Variants in TAF1L observed in about 807,000 individuals in gnomAD.
The protein encoded by TAF1L is transcription initiation factor TFIID subunit 1-like.
A neutral mutation model predicts 128.8 loss-of-function variants in TAF1L; 30 were observed. The observed-to-expected ratio is 0.23, with a 90% confidence interval of 0.17 to 0.32. The LOEUF (loss-of-function observed/expected upper bound fraction) is 0.32. TAF1L is among the 10% of genes least tolerant of loss of function. The pLI is 1.00. For synonymous variants in TAF1L, 764 were observed against 790.7 expected (o/e 0.97, Z 0.57); for missense variants, 2,099 against 2,253.7 (o/e 0.93, Z 1.39).
chr9:32,630,241 T>G lies in TAF1L; in HGVS notation c.5339A>C (p.Glu1780Ala). The stretch of plus-strand genomic sequence containing the variant: ...AGCAGAGAAAGGATTGTCTCCTTCT[T>G]CGTCACTCCCAGCATCTTCCTCATC... ...EDDEEDAGSD[E>A]EGDNPFSAIQ... is the part of the protein sequence containing the mutation. The change falls in exon 1 of 1, where the codon GAA (glutamate) becomes GCA (alanine). Residue 1780 changes from glutamate to alanine, a missense_variant. This residue lies in a region of TAF1L where 404 missense variants were observed against 406.5 expected (regional missense o/e 0.99). Coordinates refer to ENST00000242310, the MANE Select transcript of TAF1L (RefSeq NM_153809.2). The G allele has an allele frequency of 6.2e-7, 1 of 1,614,198 alleles. No homozygotes were observed. Among genetic ancestry groups the G allele is most frequent in the Non-Finnish European group, 8.5e-7 (1 of 1,180,046 alleles).
rs1411695389 is a variant in TAF1L, at chr9:32,633,698, G to A, written c.1882C>T (p.Pro628Ser). ...WQPFFPTHMG[P>S]IKIRQFHRPP... The stretch of plus-strand genomic sequence containing the variant: ...CGATGGAACTGCCGGATTTTGATGG[G>A]CCCCATGTGGGTGGGAAAGAAGGGC... Residue 628 changes from proline to serine, a missense_variant, in exon 1 of 1, where the codon CCC becomes TCC. Around this residue, in one of 4 missense-constraint regions of TAF1L, gnomAD observed 1,213 missense variants for 1,391.4 expected, o/e 0.87. Coordinates refer to ENST00000242310, the MANE Select transcript of TAF1L (RefSeq NM_153809.2). 6.2e-7 allele frequency: 1 copy of A among 1,614,196 alleles called. No individual in the cohort carries two copies.
Position 32,629,720 on chromosome 9 carries a change from T to C in TAF1L, c.*379A>G, listed in dbSNP as rs937973514. 1.2e-5 allele frequency: 4 copies of C among 329,412 alleles called. No homozygotes were observed. The highest frequency in any genetic ancestry group is 1.7e-5 in the Non-Finnish European group (3 of 179,322). The allele number at this position is 329,412 out of a possible 1,614,324, so 20.4% of individuals were successfully genotyped here. A position where few individuals can be genotyped will look rare whatever the true frequency, so the allele number is the denominator to read the frequency against. The stretch of plus-strand genomic sequence containing the variant: ...TCGCCCAGGCTGGAGCGCAGTGGCG[T>C]GATCTCCACTCACTGCAACCTCTGC... On this transcript the variant is annotated 3_prime_UTR_variant, in exon 1 of 1. Coordinates refer to ENST00000242310, the MANE Select transcript of TAF1L (RefSeq NM_153809.2).
rs1587670371 is a variant in TAF1L at position 32,630,934 on chromosome 9, T to C, written c.4646A>G (p.His1549Arg). ...MAVPDSWPFH[H>R]PVNKKFVPDY... ...TGGAACAAACTTCTTATTAACTGGG[T>C]GATGAAATGGCCAAGAATCTGGAAC... is the stretch of plus-strand genomic sequence containing the variant. The change falls in exon 1 of 1, where the codon CAC (histidine) becomes CGC (arginine). Residue 1549 changes from histidine (H) to arginine (R), a missense_variant. Physicochemically the swap from His to Arg is conservative, Grantham distance 29. Transcript: ENST00000242310. The C allele has an allele frequency of 6.2e-7, 1 of 1,614,202 alleles. No homozygotes were observed. The highest frequency in any genetic ancestry group is 2.2e-5 in the East Asian group (1 of 44,876).
In TAF1L at chr9:32,630,112, C is replaced by T. The variant is rs568675126; in HGVS notation, c.5468G>A (p.Gly1823Glu). 1.2e-6 allele frequency: 2 copies of T among 1,614,124 alleles called. No homozygotes were observed. Among genetic ancestry groups the T allele is most frequent in the East Asian group, 4.5e-5 (2 of 44,880 alleles). Residue 1823 changes from glycine (G) to glutamate (E), a missense_variant, in exon 1 of 1, where the codon GGG (glycine) becomes GAG (glutamate). Gly to Glu is a moderately conservative substitution (Grantham distance 98, BLOSUM62 -2). This residue lies in a region of TAF1L where 404 missense variants were observed against 406.5 expected (regional missense o/e 0.99). Transcript: ENST00000242310. ...LQHASGEHKD[G>E]HGK The stretch of plus-strand genomic sequence containing the variant: ...ATCATGCTTTCTTCATTTTCCGTGC[C>T]CATCCTTGTGTTCTCCTGAAGCATG...
chr9:32,635,088 T>G lies in TAF1L; in HGVS notation c.492A>C (p.Pro164=). 3 of 1,614,056 alleles carry G rather than the reference T, an allele frequency of 1.9e-6. No homozygotes were observed. The highest frequency in any genetic ancestry group is 2.5e-6 in the Non-Finnish European group (3 of 1,179,998). Reference sequence around the variant, plus strand: ...CATCTTGGTCCTTATCCTTCTTCATTGGTCCCGGGGGTGGAGGTGGAGGAG... The same window carrying G: ...CATCTTGGTCCTTATCCTTCTTCATGGGTCCCGGGGGTGGAGGTGGAGGAG... ...LMPPPPPPPG[P]MKKDKDQDAI... is the part of the protein sequence containing the mutation. The change falls in exon 1 of 1, where the codon CCA becomes CCC. Residue 164 remains proline, a synonymous_variant. Coordinates refer to ENST00000242310, the MANE Select transcript of TAF1L (RefSeq NM_153809.2).
In TAF1L at chr9:32,630,108, G is replaced by A. The variant is rs202147126; in HGVS notation, c.5472C>T (p.His1824=). Residue 1824 remains histidine (H), a synonymous_variant, in exon 1 of 1, where the codon CAC becomes CAT. Coordinates refer to ENST00000242310, the MANE Select transcript of TAF1L (RefSeq NM_153809.2). ...QHASGEHKDG[H]GK is the part of the protein sequence containing the mutation. ...GGACATCATGCTTTCTTCATTTTCC[G>A]TGCCCATCCTTGTGTTCTCCTGAAG... 30 of 1,613,932 alleles carry A rather than the reference G, an allele frequency of 1.9e-5. No individual in the cohort carries two copies. Among genetic ancestry groups the A allele is most frequent in the Middle Eastern group, 1.6e-4 (1 of 6,082 alleles).
rs1315052396 is a variant in TAF1L at position 32,634,403 on chromosome 9, C to T, written c.1177G>A (p.Glu393Lys). The change falls in exon 1 of 1, where the codon GAA (glutamate) becomes AAA (lysine). Residue 393 changes from glutamate (E) to lysine (K), a missense_variant. Around this residue, in one of 4 missense-constraint regions of TAF1L, gnomAD observed 1,213 missense variants for 1,391.4 expected, o/e 0.87. Transcript: ENST00000242310. The stretch of plus-strand genomic sequence containing the variant: ...ATCATTCTAGATTTTATCACAGGTT[C>T]ATGTTGTGTCTTTCTCAGTTTGAAG... ...YGFKLRKTQH[E>K]PVIKSRMMEE... 1 of 1,614,102 alleles carries T rather than the reference C, an allele frequency of 6.2e-7. No individual in the cohort carries two copies. Among genetic ancestry groups the T allele is most frequent in the East Asian group, 2.2e-5 (1 of 44,896 alleles).
Position 32,635,628 on chromosome 9 carries a change from C to T in TAF1L, c.-49G>A, listed in dbSNP as rs1822575741. ...GCCCGGAAGTGATCTACTTAGCTCC[C>T]TTACCCTACCAGCGTCTACCGGAAG... On this transcript the variant is annotated 5_prime_UTR_variant, in exon 1 of 1. Transcript: ENST00000242310. 1 of 1,534,878 alleles carries T rather than the reference C, an allele frequency of 6.5e-7. No individual in the cohort carries two copies. The highest frequency in any genetic ancestry group is 1.4e-5 in the African/African-American group (1 of 71,826).
In TAF1L at chr9:32,634,586, T is replaced by A. The variant is rs989997879; in HGVS notation, c.994A>T (p.Met332Leu). 6 of 1,614,076 alleles carry A rather than the reference T, an allele frequency of 3.7e-6. No homozygotes were observed. The highest frequency in any genetic ancestry group is 5.1e-6 in the Non-Finnish European group (6 of 1,180,028). Reference protein sequence around the residue: ...EQCLADDEITMMVPVESKFSQ... With the variant: ...EQCLADDEITLMVPVESKFSQ... ...AATTTGGACTCCACAGGAACCATCATCGTGATTTCATCATCAGCGAGACAC... is the reference window on the plus strand; with the variant it reads ...AATTTGGACTCCACAGGAACCATCAACGTGATTTCATCATCAGCGAGACAC... The change falls in exon 1 of 1, where the codon ATG (methionine) becomes TTG (leucine). Residue 332 changes from methionine (M) to leucine (L), a missense_variant. Coordinates refer to ENST00000242310, the MANE Select transcript of TAF1L (RefSeq NM_153809.2).
rs1013751473 is a variant in TAF1L, at chr9:32,630,961, G to T, written c.4619C>A (p.Ala1540Glu). The T allele has an allele frequency of 6.2e-7, 1 of 1,614,216 alleles. No homozygotes were observed. Among genetic ancestry groups the T allele is most frequent in the Admixed American group, 1.7e-5 (1 of 60,028 alleles). Residue 1540 changes from alanine (A) to glutamate (E), a missense_variant, in exon 1 of 1, where the codon GCA (alanine) becomes GAA (glutamate). By Grantham distance (107) the Ala-to-Glu change is moderately radical. Transcript: ENST00000242310. ...LDNIVTQKMM[A>E]VPDSWPFHHP... is the part of the protein sequence containing the mutation. ...ATGAAATGGCCAAGAATCTGGAACT[G>T]CCATCATTTTCTGGGTGACAATGTT...
rs779608043 is a variant in TAF1L at position 32,632,474 on chromosome 9, T to C, written c.3106A>G (p.Ile1036Val). ...ACTTCCCAGCGGGACAACTTTTTAA[T>C]CTCTTCCTCAGGCACACCAAATTTA... Reference protein sequence around the residue: ...LRKFGVPEEEIKKLSRWEVID... With the variant: ...LRKFGVPEEEVKKLSRWEVID... Residue 1036 changes from isoleucine (I) to valine (V), a missense_variant, in exon 1 of 1, where the codon ATT becomes GTT. Coordinates refer to ENST00000242310, the MANE Select transcript of TAF1L (RefSeq NM_153809.2). This position sits in a 1 kb window ranked among gnomAD's most constrained non-coding sequence, Gnocchi z 4.4. 1 of 1,614,236 alleles carries C rather than the reference T, an allele frequency of 6.2e-7. No homozygotes were observed. Among genetic ancestry groups the C allele is most frequent in the Non-Finnish European group, 8.5e-7 (1 of 1,180,052 alleles).
chr9:32,631,636 G>C lies in TAF1L; in HGVS notation c.3944C>G (p.Thr1315Arg). ...TTCCAACTCCTCCTCCTGCTCTTCT[G>C]TCATGGCAACAGGTTTCGAAGGTGG... Reference protein sequence around the residue: ...NVPPSKPVAMTEEQEEELEKT... With the variant: ...NVPPSKPVAMREEQEEELEKT... Residue 1315 changes from threonine to arginine, a missense_variant, in exon 1 of 1, where the codon ACA (threonine) becomes AGA (arginine). By Grantham distance (71) the Thr-to-Arg change is moderately conservative. Coordinates refer to ENST00000242310, the MANE Select transcript of TAF1L (RefSeq NM_153809.2). This position sits in a 1 kb window ranked among gnomAD's most constrained non-coding sequence, Gnocchi z 4.1. 1.2e-6 allele frequency: 2 copies of C among 1,614,128 alleles called. No individual in the cohort carries two copies. The highest frequency in any genetic ancestry group is 1.7e-6 in the Non-Finnish European group (2 of 1,180,014).
Position 32,633,839 on chromosome 9 carries a change from T to C in TAF1L, c.1741A>G (p.Lys581Glu). Residue 581 changes from lysine (K) to glutamate (E), a missense_variant, in exon 1 of 1, where the codon AAA becomes GAA. By Grantham distance (56) the Lys-to-Glu change is moderately conservative. Coordinates refer to ENST00000242310, the MANE Select transcript of TAF1L (RefSeq NM_153809.2). ...TCATTGGAGAGATTCCATGGATCTT[T>C]CACTTCTGGCTGAGACATGTTCTGC... is the stretch of plus-strand genomic sequence containing the variant. ...PQQNMSQPEV[K>E]DPWNLSNDEY... The C allele has an allele frequency of 6.2e-7, 1 of 1,614,202 alleles. No individual in the cohort carries two copies. The highest frequency in any genetic ancestry group is 8.5e-7 in the Non-Finnish European group (1 of 1,180,038).
rs148519227 is a variant in TAF1L, at chr9:32,633,669, T to G, written c.1911A>C (p.Pro637=). 15 of 1,613,926 alleles carry G rather than the reference T, an allele frequency of 9.3e-6. No individual in the cohort carries two copies. Among genetic ancestry groups the G allele is most frequent in the African/African-American group, 1.3e-5 (1 of 74,848 alleles). Residue 637 remains proline, a synonymous_variant, in exon 1 of 1, where the codon CCA becomes CCC. Transcript: ENST00000242310. ...GPIKIRQFHR[P]PLKKYSFGAL... is the part of the protein sequence containing the mutation. ...CACCAAATGAGTACTTTTTCAGAGG[T>G]GGGCGATGGAACTGCCGGATTTTGA... is the stretch of plus-strand genomic sequence containing the variant.
rs144678282 is a variant in TAF1L, at chr9:32,633,634, T to C, written c.1946A>G (p.Gln649Arg). The C allele has an allele frequency of 3.1e-4, 494 of 1,614,184 alleles. 1 individual carries two copies. The African/African-American group carries it at 6.0e-3, about 20-fold the overall frequency. The part of the protein sequence containing the change: ...LKKYSFGALS[Q>R]PGPHSVQPLL... ...AGGTTGGACTGAATGGGGACCTGGC[T>C]GAGAGAGTGCACCAAATGAGTACTT... Residue 649 changes from glutamine (Q) to arginine (R), a missense_variant, in exon 1 of 1, where the codon CAG becomes CGG. Gln to Arg is a conservative substitution (Grantham distance 43, BLOSUM62 1). This residue lies in a region of TAF1L where 1,213 missense variants were observed against 1,391.4 expected (regional missense o/e 0.87). Transcript: ENST00000242310.
rs553058897 is a variant in TAF1L, at chr9:32,629,696, C to T, written c.*403G>A. On this transcript the variant is annotated 3_prime_UTR_variant, in exon 1 of 1. Transcript: ENST00000242310. ...TTTTTGAGATGGAGTCTCACTCTTT[C>T]GCCCAGGCTGGAGCGCAGTGGCGTG... 1,047 of 258,204 alleles carry T rather than the reference C, an allele frequency of 4.1e-3. 13 individuals are homozygous for T. The highest frequency in any genetic ancestry group is 0.022 in the African/African-American group (985 of 44,482). 16.0% of individuals were successfully genotyped at this position (258,204 alleles called of 1,614,324 possible). A position where few individuals can be genotyped will look rare whatever the true frequency, so the allele number is the denominator to read the frequency against.
In TAF1L at chr9:32,633,536, A is replaced by G. The variant is rs888986223; in HGVS notation, c.2044T>C (p.Phe682Leu). 6.2e-7 allele frequency: 1 copy of G among 1,614,190 alleles called. No homozygotes were observed. The change falls in exon 1 of 1, where the codon TTT becomes CTT. Residue 682 changes from phenylalanine (F) to leucine (L), a missense_variant. Phe to Leu is a conservative substitution (Grantham distance 22, BLOSUM62 0). Around this residue, in one of 4 missense-constraint regions of TAF1L, gnomAD observed 1,213 missense variants for 1,391.4 expected, o/e 0.87. Transcript: ENST00000242310. ...ERQASGGGEL[F>L]FMRTPQDLTG... ...AGATCCTGAGGTGTGCGCATAAAAA[A>G]CAACTCTCCACCACCTGAGGCTTGC...
rs1158667360 is a variant in TAF1L at position 32,633,016 on chromosome 9, G to T, written c.2564C>A (p.Ser855Tyr). 1 of 1,614,138 alleles carries T rather than the reference G, an allele frequency of 6.2e-7. No homozygotes were observed. The highest frequency in any genetic ancestry group is 2.2e-5 in the East Asian group (1 of 44,874). ...RMEDIKKAFP[S>Y]HSESSIRKRL... ...CTTCCGGATGCTGCTTTCTGAATGG[G>T]AAGGAAAGGCTTTTTTTATATCTTC... Residue 855 changes from serine to tyrosine, a missense_variant, in exon 1 of 1, where the codon TCC becomes TAC. Ser to Tyr is a moderately radical substitution (Grantham distance 144). Around this residue, in one of 4 missense-constraint regions of TAF1L, gnomAD observed 1,213 missense variants for 1,391.4 expected, o/e 0.87. Transcript: ENST00000242310.
At position 32,631,499 on chromosome 9, in the gene TAF1L, C is replaced by G; in HGVS notation, c.4081G>C (p.Val1361Leu). The part of the protein sequence containing the change: ...NVHEVRRKSL[V>L]LKFPKQQLPP... ...AGCTGCTGTTTAGGAAACTTGAGAA[C>G]CAGAGATTTTCTGCGAACCTCATGC... Residue 1361 changes from valine (V) to leucine (L), a missense_variant, in exon 1 of 1, where the codon GTT (valine) becomes CTT (leucine). Physicochemically the swap from Val to Leu is conservative, Grantham distance 32. This residue lies in a region of TAF1L where 1,213 missense variants were observed against 1,391.4 expected (regional missense o/e 0.87). Coordinates refer to ENST00000242310, the MANE Select transcript of TAF1L (RefSeq NM_153809.2). The surrounding 1 kb of genome is among the most constrained non-coding windows in gnomAD (Gnocchi z 4.1). The G allele has an allele frequency of 6.2e-7, 1 of 1,614,150 alleles. No homozygotes were observed. The highest frequency in any genetic ancestry group is 8.5e-7 in the Non-Finnish European group (1 of 1,180,018).
Sources: gnomAD v4.1 joint callset for allele counts on GRCh38, gnomAD v4.1.1 for gene constraint, gnomAD v4.1.1 regional missense constraint, Gnocchi (gnomAD v3.1) non-coding constraint, MANE v1.5 for transcripts, NCBI Gene and HGNC (gene_info 2026-07-23, HGNC 2026-07-21) for gene names.